ARHGAP40: variants seen among roughly 807,000 people sequenced by gnomAD.
ARHGAP40 encodes rho GTPase-activating protein 40.
In ARHGAP40, 43 loss-of-function variants were observed where a neutral mutation model predicts 73.5. The ratio of observed to expected loss-of-function variants is 0.58; its 90% CI spans 0.46 to 0.75. The LOEUF (loss-of-function observed/expected upper bound fraction) is 0.75, where lower values mean the gene tolerates loss of function less well. Among genes scored for constraint, ARHGAP40 ranks in the 30% least tolerant of loss-of-function variants. The pLI is 0.00. For synonymous variants in ARHGAP40, 300 were observed against 352.8 expected, an observed-to-expected ratio of 0.85 and a Z score of 1.68; for missense variants, 734 against 861.8, an observed-to-expected ratio of 0.85 and a Z score of 1.86.
chr20:38,628,033 G>A (rs1399260347), intron 3 of ARHGAP40, among the ~76,000 whole-genome samples: 3 of 152,210 alleles, frequency 2.0e-5, no homozygotes, highest in Admixed American at 6.5e-5. Context: ...GGGGCCACCC[G>A]ATAGGCCGTG....
At chr20:38,626,017 T>C (rs1467750000) in intron 2 of ARHGAP40, among the ~76,000 whole-genome samples, 1 of 152,144 alleles carries the variant, frequency 6.6e-6, no homozygotes, top group African/African-American at 2.4e-5. Flanking sequence ...AACAAAAAAA[T>C]GTCTGGCATC....
intron 1 of ARHGAP40, among the ~76,000 whole-genome samples, chr20:38,607,030 T>C (rs1045059532): frequency 3.3e-5 from 5 of 152,264 alleles, no homozygotes; most frequent in African/African-American, 1.2e-4. Flanking sequence ...CATAGACTTG[T>C]TGTGAGGATA....
In ARHGAP40 at chr20:38,646,670, C is replaced by T. The variant is rs1299464388; in HGVS notation, c.1711-287C>T. ...TGTGGGTGATGGGTCTTTATACAAA[C>T]CTACATGTCTGTGTTTGTGGGTGCG... On this transcript the variant is annotated intron_variant, in intron 12 of 14. Coordinates refer to ENST00000373345, the Ensembl canonical transcript of ARHGAP40. The surrounding 1 kb of genome is among the most constrained non-coding windows in gnomAD (Gnocchi z 4.5). Among the ~76,000 whole-genome samples, 3 of 152,184 alleles carry T rather than the reference C, an allele frequency of 2.0e-5. No homozygotes were observed. The highest frequency in any genetic ancestry group is 4.8e-5 in the African/African-American group (2 of 41,438).
At chr20:38,633,133 AAAAT>A (rs1394190061) in intron 5 of ARHGAP40, among the ~76,000 whole-genome samples, 1 of 151,946 alleles carries the variant, frequency 6.6e-6, no homozygotes, top group African/African-American at 2.4e-5. Flanking sequence ...AAAAAAAAAA[AAAAT>A]AGTTGGATGT....
intron 10 of ARHGAP40, among the ~76,000 whole-genome samples, chr20:38,642,167 C>G (rs1236283502): frequency 6.6e-6 from 1 of 152,200 alleles, no homozygotes; most frequent in Non-Finnish European, 1.5e-5. Flanking sequence ...TAGAGAATCT[C>G]CAAGTGGGAT....
At chr20:38,628,494 C>T (rs1326069644) in intron 3 of ARHGAP40, among the ~76,000 whole-genome samples, 3 of 151,846 alleles carry the variant, frequency 2.0e-5, no homozygotes, top group Non-Finnish European at 4.4e-5. Flanking sequence ...TTAGTAGAGA[C>T]GGGGTTTCAC....
chr20:38,606,895 G>A (rs2088773219), intron 1 of ARHGAP40, among the ~76,000 whole-genome samples: 1 of 152,192 alleles, frequency 6.6e-6, no homozygotes, highest in African/African-American at 2.4e-5. Flanking sequence ...AGGGGTAGAA[G>A]GACAGCCTGA....
chr20:38,641,238 C>G (rs1018185569), intron 9 of ARHGAP40, among the ~76,000 whole-genome samples: 1 of 152,160 alleles, frequency 6.6e-6, no homozygotes, highest in Non-Finnish European at 1.5e-5. Context: ...CTCTGATGAA[C>G]TCCTTCTTTG....
intron 1 of ARHGAP40, among the ~76,000 whole-genome samples, chr20:38,617,102 G>T (rs2088845021): frequency 6.6e-6 from 1 of 152,190 alleles, no homozygotes; most frequent in Non-Finnish European, 1.5e-5. Flanking sequence ...GAAGCCCTTG[G>T]CTGGGTTGCT....
At chr20:38,613,830 C>A (rs1313997373) in intron 1 of ARHGAP40, among the ~76,000 whole-genome samples, 1 of 152,164 alleles carries the variant, frequency 6.6e-6, no homozygotes. Context: ...ACTTTCATAA[C>A]CCACAGATCG....
intron 1 of ARHGAP40, among the ~76,000 whole-genome samples, chr20:38,602,284 C>A (rs1441820853): frequency 3.9e-5 from 6 of 152,210 alleles, no homozygotes; most frequent in African/African-American, 1.2e-4. Flanking sequence ...AAACCCAGAG[C>A]CTTCCTGGGA....
At chr20:38,618,401 C>T (rs773072173) in intron 1 of ARHGAP40, among the ~76,000 whole-genome samples, 6 of 152,172 alleles carry the variant, frequency 3.9e-5, no homozygotes, top group Non-Finnish European at 7.3e-5. Flanking sequence ...GCCACCGCAC[C>T]CAGCCCAAAG....
At chr20:38,615,980 G>A (rs2088834697) in intron 1 of ARHGAP40, among the ~76,000 whole-genome samples, 1 of 152,140 alleles carries the variant, frequency 6.6e-6, no homozygotes, top group East Asian at 1.9e-4. Flanking sequence ...CCTGCTTACT[G>A]GGCTGTGGTC....
chr20:38,630,333 C>A (rs1195797792), intron 5 of ARHGAP40, among the ~76,000 whole-genome samples: 1 of 151,482 alleles, frequency 6.6e-6, no homozygotes, highest in African/African-American at 2.4e-5. Context: ...TATCCTTACA[C>A]CTCAGTCTCT....
Position 38,627,220 on chromosome 20 carries a change from G to A in ARHGAP40, c.558+5G>A, listed in dbSNP as rs1270222154. 4 of 1,305,204 alleles carry A rather than the reference G, an allele frequency of 3.1e-6. No homozygotes were observed. The highest frequency in any genetic ancestry group is 1.2e-5 in the South Asian group (1 of 81,006). The allele number at this position is 1,305,204 out of a possible 1,614,324, so 80.9% of individuals were successfully genotyped here. A position where few individuals can be genotyped will look rare whatever the true frequency, so the allele number is the denominator to read the frequency against. On this transcript the variant is annotated splice_donor_5th_base_variant and intron_variant, in intron 3 of 14. Coordinates refer to ENST00000373345, the Ensembl canonical transcript of ARHGAP40. ...TTTGGGGTCTTCAATTCAGGGGTAA[G>A]TGGCATATGGGTCATTGCAGGCCCC...
chr20:38,642,580 C>T (rs2145613806), intron 10 of ARHGAP40, among the ~76,000 whole-genome samples: 1 of 152,124 alleles, frequency 6.6e-6, no homozygotes, highest in East Asian at 1.9e-4. Flanking sequence ...TTCCTATCCT[C>T]TCTCCCTCCC....
rs544941202 is a variant in ARHGAP40, at chr20:38,641,235, G to T, written c.1280-491G>T. Among the ~76,000 whole-genome samples the T allele has an allele frequency of 1.4e-3, 216 of 152,260 alleles. 3 individuals carry two copies. The highest frequency in any genetic ancestry group is 5.1e-3 in the African/African-American group (210 of 41,548). ...CTGCTGGGTCTTGTCTGGCTCTGATGAACTCCTTCTTTGAATCTATAACTA... is the reference window on the plus strand; with the variant it reads ...CTGCTGGGTCTTGTCTGGCTCTGATTAACTCCTTCTTTGAATCTATAACTA... On this transcript the variant is annotated intron_variant, in intron 9 of 14. Transcript: ENST00000373345.
intron 1 of ARHGAP40, among the ~76,000 whole-genome samples, chr20:38,620,787 G>A (rs1316829153): frequency 1.3e-5 from 2 of 152,224 alleles, no homozygotes; most frequent in Non-Finnish European, 2.9e-5. Flanking sequence ...TGGCCGACTG[G>A]AGGTTTCTTT....
chr20:38,625,377 G>T (rs1022965294), intron 2 of ARHGAP40, among the ~76,000 whole-genome samples: 1 of 151,470 alleles, frequency 6.6e-6, no homozygotes, highest in African/African-American at 2.4e-5. Context: ...TGAGTGGCAT[G>T]GAGCCAAGAC....
Sources: gnomAD v4.1 joint callset for allele counts (sites outside exome capture counted in the v4.1 genomes callset) on GRCh38, gnomAD v4.1.1 for gene constraint, Gnocchi (gnomAD v3.1) non-coding constraint, MANE v1.5 for transcripts, NCBI Gene and HGNC (gene_info 2026-07-23, HGNC 2026-07-21) for gene names.